OLFM3: variants seen among roughly 807,000 people sequenced by gnomAD.
OLFM3 encodes noelin-3.
A neutral mutation model predicts 48.6 loss-of-function variants in OLFM3; 20 were observed. The observed-to-expected ratio is 0.41, with a 90% CI of 0.29 to 0.60. The LOEUF is 0.60. Among genes scored for constraint, OLFM3 ranks in the 20% least tolerant of loss-of-function variants. The pLI, the probability that OLFM3 is intolerant of heterozygous loss-of-function variation, is 0.28. For synonymous variants in OLFM3, 222 were observed against 198.1 expected (o/e 1.12, Z -1.01); for missense variants, 437 against 544.3 (o/e 0.80, Z 1.96).
intron 1 of OLFM3, among the ~76,000 whole-genome samples, chr1:101,885,929 G>A (rs555379480): frequency 7.2e-5 from 11 of 152,170 alleles, no homozygotes; most frequent in East Asian, 1.9e-4. Context: ...TGCACAGGGC[G>A]TCAGCACCCC....
intron 1 of OLFM3, among the ~76,000 whole-genome samples, chr1:101,900,430 C>T (rs1200573933): frequency 6.6e-6 from 1 of 151,846 alleles, no homozygotes; most frequent in Non-Finnish European, 1.5e-5. Context: ...GGAAGGCTTC[C>T]CTGAAGCAAT....
At chr1:101,909,165 T>A (rs1390363779) in intron 1 of OLFM3, among the ~76,000 whole-genome samples, 2 of 152,206 alleles carry the variant, frequency 1.3e-5, no homozygotes, top group African/African-American at 2.4e-5. Context: ...CTTGGACATC[T>A]CTGAGAAACC....
rs748651241 is a variant in OLFM3 at position 101,823,365 on chromosome 1, CAAAT to C, written c.592+1657_592+1660del. On this transcript the variant is annotated intron_variant, in intron 4 of 5. Coordinates refer to ENST00000370103, the MANE Select transcript of OLFM3 (RefSeq NM_058170.4). Reference sequence around the variant, plus strand: ...ACACAACATTTAAACTGAGACCTGACAAATGAATAGTTTATCACATGTGGCAGGT... The same window carrying C: ...ACACAACATTTAAACTGAGACCTGACGAATAGTTTATCACATGTGGCAGGT... Among the ~76,000 whole-genome samples the C allele has an allele frequency of 6.0e-4, 92 of 152,112 alleles. 1 individual carries two copies. The highest frequency in any genetic ancestry group is 1.1e-3 in the Non-Finnish European group (78 of 67,940).
At chr1:101,892,645 G>T (rs140184657) in intron 1 of OLFM3, among the ~76,000 whole-genome samples, 18 of 151,904 alleles carry the variant, frequency 1.2e-4, no homozygotes, top group Non-Finnish European at 1.9e-4. Context: ...GGCTATTAAA[G>T]AAACTACATG....
At chr1:101,813,117 TTTC>T (rs1397269112) in intron 4 of OLFM3, 3 of 1,289,340 alleles carry the variant, frequency 2.3e-6, no homozygotes, top group African/African-American at 1.5e-5. Context: ...TGTTGCCTTT[TTTC>T]TTCTTCTTTT....
At chr1:101,948,452 T>TGAGAGAGAGA (rs141817550) in intron 1 of OLFM3, among the ~76,000 whole-genome samples, 2 of 149,894 alleles carry the variant, frequency 1.3e-5, no homozygotes, top group Non-Finnish European at 3.0e-5. Flanking sequence ...AAGACTTGTA[T>TGAGAGAGAGA]GAGAGAGAGA....
At chr1:101,970,037 A>T (rs1443083698) in intron 1 of OLFM3, among the ~76,000 whole-genome samples, 3 of 148,434 alleles carry the variant, frequency 2.0e-5, no homozygotes, top group Admixed American at 2.0e-4. Flanking sequence ...TTTTTTTGAG[A>T]TGGAATCTTG....
intron 1 of OLFM3, among the ~76,000 whole-genome samples, chr1:101,895,650 T>C (rs746652864): frequency 1.3e-5 from 2 of 152,184 alleles, no homozygotes; most frequent in Non-Finnish European, 2.9e-5. Flanking sequence ...TTGAACTGTT[T>C]GGCAAGATCT....
intron 1 of OLFM3, among the ~76,000 whole-genome samples, chr1:101,947,962 A>G (rs1660010474): frequency 6.6e-6 from 1 of 152,208 alleles, no homozygotes; most frequent in Non-Finnish European, 1.5e-5. Flanking sequence ...AAGGTGGTTG[A>G]CCAAGCCAAC....
At chr1:101,853,394 T>C (rs894621786) in intron 1 of OLFM3, among the ~76,000 whole-genome samples, 1 of 152,064 alleles carries the variant, frequency 6.6e-6, no homozygotes, top group Non-Finnish European at 1.5e-5. Flanking sequence ...AAATGTCTAC[T>C]CTTGTCACCT....
intron 1 of OLFM3, among the ~76,000 whole-genome samples, chr1:101,923,220 A>G (rs1434729372): frequency 6.6e-6 from 1 of 152,210 alleles, no homozygotes; most frequent in East Asian, 1.9e-4. Context: ...TGTAAATTTT[A>G]AAATTTACAC....
chr1:101,940,749 T>A (rs1477335813), intron 1 of OLFM3, among the ~76,000 whole-genome samples: 3 of 150,594 alleles, frequency 2.0e-5, no homozygotes, highest in Non-Finnish European at 3.0e-5. Context: ...TATATGTATG[T>A]ATATATATTC....
At chr1:101,951,876 A>T (rs191232464) in intron 1 of OLFM3, among the ~76,000 whole-genome samples, 185 of 152,204 alleles carry the variant, frequency 1.2e-3, no homozygotes, top group Admixed American at 6.3e-3. Flanking sequence ...CAAATATTGA[A>T]TTTTTTCAAT....
Position 101,803,918 on chromosome 1 carries a change from A to G in OLFM3, c.*320T>C, listed in dbSNP as rs746856670. On this transcript the variant is annotated 3_prime_UTR_variant, in exon 6 of 6. Coordinates refer to ENST00000370103, the MANE Select transcript of OLFM3 (RefSeq NM_058170.4). ...AAAAAGACATTCGTGCATTTAAGCC[A>G]CCATTAGTCTCTGACTCTAATATAA... The G allele has an allele frequency of 1.1e-5, 2 of 180,672 alleles. No individual in the cohort carries two copies. Among genetic ancestry groups the G allele is most frequent in the Non-Finnish European group, 2.3e-5 (2 of 87,446 alleles). The allele number at this position is 180,672 out of a possible 1,614,324, so 11.2% of individuals were successfully genotyped here. A position where few individuals can be genotyped will look rare whatever the true frequency, so the allele number is the denominator to read the frequency against.
At chr1:101,915,365 A>G in intron 1 of OLFM3, among the ~76,000 whole-genome samples, 1 of 115,922 alleles carries the variant, frequency 8.6e-6, no homozygotes, top group African/African-American at 4.1e-5. Context: ...TTAATCTGTT[A>G]AAAAAAAAAG....
chr1:101,913,631 G>A (rs143917839), intron 1 of OLFM3, among the ~76,000 whole-genome samples: 1 of 150,830 alleles, frequency 6.6e-6, no homozygotes, highest in Non-Finnish European at 1.5e-5. Flanking sequence ...TGATCATTTA[G>A]TAACTATTGC....
At chr1:101,956,098 T>TTTATTC (rs1244846053) in intron 1 of OLFM3, among the ~76,000 whole-genome samples, 1 of 149,302 alleles carries the variant, frequency 6.7e-6, no homozygotes, top group Non-Finnish European at 1.5e-5. Context: ...TTTTTTTTTT[T>TTTATTC]TTTTTAAAAA....
At chr1:101,888,141 A>G (rs1368208830) in intron 1 of OLFM3, among the ~76,000 whole-genome samples, 1 of 152,188 alleles carries the variant, frequency 6.6e-6, no homozygotes, top group African/African-American at 2.4e-5. Flanking sequence ...CAGAATTGGA[A>G]AAAACTACTT....
At chr1:101,935,661 A>G (rs1659591126) in intron 1 of OLFM3, among the ~76,000 whole-genome samples, 1 of 152,164 alleles carries the variant, frequency 6.6e-6, no homozygotes, top group African/African-American at 2.4e-5. Context: ...AACCTGGCAG[A>G]GATGCAACAC....
Sources: gnomAD v4.1 joint callset for allele counts (sites outside exome capture counted in the v4.1 genomes callset) on GRCh38, gnomAD v4.1.1 for gene constraint, MANE v1.5 for transcripts, NCBI Gene and HGNC (gene_info 2026-07-23, HGNC 2026-07-21) for gene names.